RAB38: variants seen among roughly 807,000 people sequenced by gnomAD.
RAB38 encodes the protein ras-related protein Rab-38.
Under a neutral mutation model 18.4 loss-of-function variants are expected in RAB38, and 15 were observed. The ratio of observed to expected loss-of-function variants is 0.82; its 90% CI spans 0.55 to 1.26. The LOEUF (loss-of-function observed/expected upper bound fraction) is 1.26. Ranked by LOEUF, RAB38 falls within the 50% of genes most tolerant of loss-of-function variation. The pLI, the probability that RAB38 is intolerant of heterozygous loss-of-function variation, is 0.00. For missense variants in RAB38, 294 were observed against 267.4 expected (o/e 1.10, Z -0.69); for synonymous variants, 101 against 104.4 (o/e 0.97, Z 0.20).
the RAB38 span, among the ~76,000 whole-genome samples, chr11:87,951,846 G>C: frequency 6.6e-6 from 1 of 152,170 alleles, no homozygotes; most frequent in Non-Finnish European, 1.5e-5. Flanking sequence ...TCGGGTGTCA[G>C]GGACCCACTT....
At chr11:88,060,493 C>T in the RAB38 span, among the ~76,000 whole-genome samples, 7 of 151,990 alleles carry the variant, frequency 4.6e-5, no homozygotes, top group South Asian at 2.1e-4. Flanking sequence ...TAGGAGGAAG[C>T]GCTGGTAGAT....
the RAB38 span, among the ~76,000 whole-genome samples, chr11:87,961,446 C>T: frequency 1.4e-4 from 22 of 152,160 alleles, no homozygotes; most frequent in African/African-American, 3.6e-4. Flanking sequence ...GTATCACAGC[C>T]GTGCAAGTGG....
intron 1 of RAB38, among the ~76,000 whole-genome samples, chr11:88,163,794 T>C (rs1454459928): frequency 6.6e-6 from 1 of 152,114 alleles, no homozygotes; most frequent in Admixed American, 6.6e-5. Context: ...GTGATATATA[T>C]GTGTGTATGT....
the RAB38 span, among the ~76,000 whole-genome samples, chr11:88,023,261 G>C: frequency 6.6e-6 from 1 of 151,302 alleles, no homozygotes; most frequent in African/African-American, 2.4e-5. Flanking sequence ...ATATCCCAAA[G>C]GCAAAAATCT....
the RAB38 span, among the ~76,000 whole-genome samples, chr11:87,877,375 G>T: frequency 6.6e-6 from 1 of 151,408 alleles, no homozygotes; most frequent in Non-Finnish European, 1.5e-5. Flanking sequence ...AGTATACATT[G>T]CAGAATTATT....
the RAB38 span, among the ~76,000 whole-genome samples, chr11:87,865,061 C>G: frequency 5.3e-5 from 8 of 151,634 alleles, no homozygotes; most frequent in Non-Finnish European, 1.2e-4. Flanking sequence ...TGAGGAGAGA[C>G]TGATGTGTTC....
At chr11:87,956,941 T>C in the RAB38 span, among the ~76,000 whole-genome samples, 1 of 150,762 alleles carries the variant, frequency 6.6e-6, no homozygotes, top group Admixed American at 6.7e-5. Context: ...TCTACAGGAC[T>C]GTCCATTCCT....
At chr11:88,151,064 T>G (rs188991429) in intron 1 of RAB38, among the ~76,000 whole-genome samples, 77 of 152,322 alleles carry the variant, frequency 5.1e-4, no homozygotes, top group African/African-American at 1.8e-3. Flanking sequence ...TAAGGATTGG[T>G]TTCAGAATTA....
At chr11:88,093,459 T>G in the RAB38 span, among the ~76,000 whole-genome samples, 1 of 149,228 alleles carries the variant, frequency 6.7e-6, no homozygotes, top group East Asian at 2.0e-4. Context: ...TTTATAAACA[T>G]ACTAACATAC....
At chr11:88,133,006 TGTA>T (rs1345912279) in intron 2 of RAB38, among the ~76,000 whole-genome samples, 1 of 152,194 alleles carries the variant, frequency 6.6e-6, no homozygotes, top group Non-Finnish European at 1.5e-5. Context: ...AATAAATTAA[TGTA>T]GTGAACTACT....
At chr11:87,818,015 G>A in the RAB38 span, among the ~76,000 whole-genome samples, 5 of 152,252 alleles carry the variant, frequency 3.3e-5, no homozygotes, top group African/African-American at 1.2e-4. Flanking sequence ...AGCTGGCCTT[G>A]TGTAAAACTA....
At chr11:88,095,431 C>G in the RAB38 span, among the ~76,000 whole-genome samples, 1 of 151,866 alleles carries the variant, frequency 6.6e-6, no homozygotes, top group African/African-American at 2.4e-5. Flanking sequence ...GATGTAGTTG[C>G]TCCTGTCTTC....
At chr11:87,930,997 G>T in the RAB38 span, among the ~76,000 whole-genome samples, 2 of 152,112 alleles carry the variant, frequency 1.3e-5, no homozygotes, top group African/African-American at 2.4e-5. Flanking sequence ...GTCAGGTAGC[G>T]TGATGCCTCC....
the RAB38 span, among the ~76,000 whole-genome samples, chr11:88,056,018 C>CGTGT: frequency 1.1e-3 from 169 of 149,960 alleles, 1 homozygote; most frequent in African/African-American, 3.7e-3. Flanking sequence ...TTTTTTCTTT[C>CGTGT]GTGTGTGTGT....
At chr11:87,897,650 A>G in the RAB38 span, among the ~76,000 whole-genome samples, 1 of 151,636 alleles carries the variant, frequency 6.6e-6, no homozygotes, top group Non-Finnish European at 1.5e-5. Context: ...TTTAAAAAAC[A>G]CCAGCCCATA....
downstream of RAB38, among the ~76,000 whole-genome samples, chr11:88,112,819 C>T (rs925464251): frequency 5.3e-5 from 8 of 151,170 alleles, no homozygotes; most frequent in Admixed American, 1.3e-4. Context: ...TATGTATATA[C>T]GACTCCTGTG....
the RAB38 span, among the ~76,000 whole-genome samples, chr11:87,859,940 T>G: frequency 1.3e-5 from 2 of 152,026 alleles, no homozygotes; most frequent in Non-Finnish European, 2.9e-5. Flanking sequence ...ATGGTGCTTA[T>G]GGGCCAGATG....
chr11:87,849,523 G>T, the RAB38 span, among the ~76,000 whole-genome samples: 5 of 152,062 alleles, frequency 3.3e-5, no homozygotes, highest in Admixed American at 3.3e-4. Flanking sequence ...TGTCAGTGTG[G>T]CAGCATCAGA....
chr11:87,956,688 C>A, the RAB38 span, among the ~76,000 whole-genome samples: 1 of 152,130 alleles, frequency 6.6e-6, no homozygotes, highest in Non-Finnish European at 1.5e-5. Flanking sequence ...TAGAAGGTCA[C>A]TCTGACCACC....
Sources: gnomAD v4.1 joint callset for allele counts (sites outside exome capture counted in the v4.1 genomes callset) on GRCh38, gnomAD v4.1.1 for gene constraint, MANE v1.5 for transcripts, NCBI Gene and HGNC (gene_info 2026-07-23, HGNC 2026-07-21) for gene names.